Variants in SLC25A18 observed in about 807,000 individuals in gnomAD.
The protein encoded by SLC25A18 is mitochondrial glutamate carrier 2.
A neutral mutation model predicts 31.1 loss-of-function variants in SLC25A18; 24 were observed. That is an observed-to-expected ratio of 0.77 (90% CI 0.56 to 1.08). SLC25A18 has a LOEUF of 1.08. SLC25A18 is among the 50% of genes least tolerant of loss of function. The pLI is 0.00. For missense variants in SLC25A18, 371 were observed against 418.5 expected (o/e 0.89, Z 0.99); for synonymous variants, 173 against 161.9 (o/e 1.07, Z -0.52).
At chr22:17,568,493 G>GT (rs1163703704) in intron 1 of SLC25A18, among the ~76,000 whole-genome samples, 1 of 148,450 alleles carries the variant, frequency 6.7e-6, no homozygotes, top group East Asian at 2.0e-4. Flanking sequence ...GTTTGGACCA[G>GT]TATAAGTATG....
Position 17,587,196 on chromosome 22 carries a change from C to T in SLC25A18, c.470C>T (p.Ser157Leu), listed in dbSNP as rs376078481. 424 of 1,614,146 alleles carry T rather than the reference C, an allele frequency of 2.6e-4. 1 individual carries two copies. The highest frequency in any genetic ancestry group is 4.5e-4 in the East Asian group (20 of 44,880). Residue 157 changes from serine to leucine, a missense_variant, in exon 8 of 11, where the codon TCG (serine) becomes TTG (leucine). Physicochemically the swap from Ser to Leu is moderately radical, Grantham distance 145. Coordinates refer to ENST00000327451, the MANE Select transcript of SLC25A18 (RefSeq NM_031481.3). Reference sequence around the variant, plus strand: ...ACCTCCAGGTCCTACACAACTGGTTCGGCTTCCACCCACAGGCGCCCCTCT... The same window carrying T: ...ACCTCCAGGTCCTACACAACTGGTTTGGCTTCCACCCACAGGCGCCCCTCT... ...PSTSRSYTTG[S>L]ASTHRRPSAT...
Position 17,579,836 on chromosome 22 carries a change from T to G in SLC25A18, c.-109T>G. On this transcript the variant is annotated 5_prime_UTR_variant, in exon 3 of 11. Transcript: ENST00000327451. ...AAAACCCGTGCTCTGTCCACACTGCTACGGGGCCAGAGCCAAGGAAGCTTC... is the reference window on the plus strand; with the variant it reads ...AAAACCCGTGCTCTGTCCACACTGCGACGGGGCCAGAGCCAAGGAAGCTTC... 3 of 1,513,844 alleles carry G rather than the reference T, an allele frequency of 2.0e-6. No individual in the cohort carries two copies. Among genetic ancestry groups the G allele is most frequent in the Non-Finnish European group, 2.7e-6 (3 of 1,126,484 alleles). 93.8% of individuals were successfully genotyped at this position (1,513,844 alleles called of 1,614,324 possible).
rs1601361050 is a variant in SLC25A18, at chr22:17,590,316, T to G, written c.*80T>G. Reference sequence around the variant, plus strand: ...TTAGCCTAGAGGGGGCAAGGGCAGGTGGGGCCACTCTGGCCTGCCTGGTCC... The same window carrying G: ...TTAGCCTAGAGGGGGCAAGGGCAGGGGGGGCCACTCTGGCCTGCCTGGTCC... On this transcript the variant is annotated 3_prime_UTR_variant, in exon 11 of 11. Coordinates refer to ENST00000327451, the MANE Select transcript of SLC25A18 (RefSeq NM_031481.3). The G allele has an allele frequency of 6.3e-7, 1 of 1,577,822 alleles. No homozygotes were observed. The highest frequency in any genetic ancestry group is 8.7e-7 in the Non-Finnish European group (1 of 1,155,296).
At chr22:17,584,186 G>A (rs899353220) in intron 7 of SLC25A18, 3 of 437,454 alleles carry the variant, frequency 6.9e-6, no homozygotes, top group Non-Finnish European at 9.1e-6. Context: ...GAGGTCAGAA[G>A]ATTGAGACCA....
intron 7 of SLC25A18, among the ~76,000 whole-genome samples, chr22:17,586,552 G>T (rs796612724): frequency 6.6e-5 from 10 of 152,046 alleles, no homozygotes; most frequent in African/African-American, 2.4e-4. Context: ...GCCAAGGCAG[G>T]TGGATCACCT....
chr22:17,574,830 T>TATTATTATTATTATTATTATTATTATTA (rs2057190078), intron 2 of SLC25A18, among the ~76,000 whole-genome samples: 1 of 137,832 alleles, frequency 7.3e-6, no homozygotes, highest in Non-Finnish European at 1.5e-5. Flanking sequence ...CAATGTTCCC[T>TATTATTATTATTATTATTATTATTATTA]TTATTATTAT....
At chr22:17,584,399 A>AAAGAAAG (rs2057464585) in intron 7 of SLC25A18, among the ~76,000 whole-genome samples, 4 of 110,810 alleles carry the variant, frequency 3.6e-5, no homozygotes, top group African/African-American at 1.4e-4. Flanking sequence ...TCTCAAAAAG[A>AAAGAAAG]AAAGAAAGAA....
At chr22:17,573,908 T>C (rs1009615194) in intron 2 of SLC25A18, among the ~76,000 whole-genome samples, 1 of 152,246 alleles carries the variant, frequency 6.6e-6, no homozygotes, top group Non-Finnish European at 1.5e-5. Context: ...CCAGAATAAC[T>C]GTCCTCATAC....
chr22:17,568,663 G>A (rs892487760), intron 1 of SLC25A18, among the ~76,000 whole-genome samples: 3 of 127,204 alleles, frequency 2.4e-5, no homozygotes, highest in South Asian at 5.7e-4. Flanking sequence ...CCGGATTCAC[G>A]CCATTCTCCT....
At chr22:17,585,701 T>A (rs2057531030) in intron 7 of SLC25A18, among the ~76,000 whole-genome samples, 1 of 149,948 alleles carries the variant, frequency 6.7e-6, no homozygotes, top group Non-Finnish European at 1.5e-5. Context: ...CAGGCTGGAG[T>A]CCAATGGCAC....
chr22:17,590,803 C>G lies in SLC25A18; in HGVS notation c.*567C>G, dbSNP rs1367650195. ...TGAGGCCGGCTCTGACTGGGCAGCT[C>G]AGCCCCTCCCCCAGAGCCCAGGGTC... On this transcript the variant is annotated 3_prime_UTR_variant, in exon 11 of 11. Coordinates refer to ENST00000327451, the MANE Select transcript of SLC25A18 (RefSeq NM_031481.3). The G allele has an allele frequency of 6.5e-6, 1 of 153,078 alleles. No individual in the cohort carries two copies. Among genetic ancestry groups the G allele is most frequent in the Non-Finnish European group, 1.5e-5 (1 of 68,664 alleles). 9.5% of individuals were successfully genotyped at this position (153,078 alleles called of 1,614,324 possible).
intron 8 of SLC25A18, among the ~76,000 whole-genome samples, chr22:17,587,655 C>T (rs2057588726): frequency 6.6e-6 from 1 of 152,190 alleles, no homozygotes; most frequent in Admixed American, 6.5e-5. Context: ...CTGTACAGAA[C>T]GCATTTCCCG....
At chr22:17,581,578 C>G (rs764425679) in intron 5 of SLC25A18, 165 bp downstream of exon 5, 7 of 711,228 alleles carry the variant, frequency 9.8e-6, no homozygotes, top group Non-Finnish European at 1.4e-5. Context: ...AGCTCTGGGT[C>G]CTGGTAAGGC....
intron 2 of SLC25A18, among the ~76,000 whole-genome samples, chr22:17,579,073 T>G (rs1269689242): frequency 7.3e-6 from 1 of 137,462 alleles, no homozygotes; most frequent in Admixed American, 6.9e-5. Flanking sequence ...TTTTGTTTGT[T>G]TGTTTGTTTG....
chr22:17,573,378 C>G (rs1445645180), intron 2 of SLC25A18, among the ~76,000 whole-genome samples: 1 of 152,044 alleles, frequency 6.6e-6, no homozygotes, highest in East Asian at 1.9e-4. Context: ...CCACTTCCCC[C>G]CAAAACCTGT....
At chr22:17,585,617 TTTATTATTATTTATTTTATTA>T (rs1569191819) in intron 7 of SLC25A18, among the ~76,000 whole-genome samples, 1 of 149,144 alleles carries the variant, frequency 6.7e-6, no homozygotes, top group Non-Finnish European at 1.5e-5. Context: ...AACATTTTAT[TTTATTATTATTTATTTTATTA>T]TTATTATTAT....
chr22:17,585,521 A>C (rs1252331387), intron 7 of SLC25A18: 1 of 152,152 alleles, frequency 6.6e-6, no homozygotes, highest in African/African-American at 2.4e-5. Flanking sequence ...CTTATAATCT[A>C]AGCAAAGCTT....
intron 1 of SLC25A18, among the ~76,000 whole-genome samples, chr22:17,568,583 A>C (rs1188497103): frequency 9.0e-5 from 1 of 11,080 alleles, no homozygotes; most frequent in African/African-American, 3.0e-4. Context: ...TTTTTTTTTG[A>C]GACAGTCTCA....
Position 17,582,239 on chromosome 22 carries a change from G to A in SLC25A18, c.200-324G>A, listed in dbSNP as rs544853226. 46 of 179,208 alleles carry A rather than the reference G, an allele frequency of 2.6e-4. 1 individual carries two copies. The East Asian group carries it at 5.3e-3, about 21-fold the overall frequency. 11.1% of individuals were successfully genotyped at this position (179,208 alleles called of 1,614,324 possible). The stretch of plus-strand genomic sequence containing the variant: ...ATACAAAAAAAATTTAGCCGGGCGT[G>A]GTGGCGGGCGCCTGTAGTCCCAGCT... On this transcript the variant is annotated intron_variant, in intron 5 of 10. Transcript: ENST00000327451.
Sources: gnomAD v4.1 joint callset for allele counts (sites outside exome capture counted in the v4.1 genomes callset) on GRCh38, gnomAD v4.1.1 for gene constraint, MANE v1.5 for transcripts, NCBI Gene and HGNC (gene_info 2026-07-23, HGNC 2026-07-21) for gene names.